RAB38: variants seen among roughly 807,000 people sequenced by gnomAD.
RAB38 encodes RAB38, member RAS oncogene family.
Under a neutral mutation model 18.4 loss-of-function variants are expected in RAB38, and 15 were observed. The ratio of observed to expected loss-of-function variants is 0.82; its 90% CI spans 0.55 to 1.26. The LOEUF is 1.26. Among genes scored for constraint, RAB38 ranks in the 50% most tolerant of loss-of-function variants. The probability of loss-of-function intolerance (pLI) is 0.00; values close to 1 mark genes in which losing one functional copy is unlikely to be tolerated. For synonymous variants in RAB38, 101 were observed against 104.4 expected, an observed-to-expected ratio of 0.97 and a Z score of 0.20; for missense variants, 294 against 267.4, an observed-to-expected ratio of 1.10 and a Z score of -0.69.
the RAB38 span, among the ~76,000 whole-genome samples, chr11:87,880,451 C>T: frequency 6.6e-6 from 1 of 151,862 alleles, no homozygotes; most frequent in South Asian, 2.1e-4. Flanking sequence ...CAAGTTACAG[C>T]TTATAGAAGA....
At chr11:88,026,706 G>C in the RAB38 span, among the ~76,000 whole-genome samples, 1 of 149,908 alleles carries the variant, frequency 6.7e-6, no homozygotes, top group Non-Finnish European at 1.5e-5. Context: ...TATAGGAAAA[G>C]TGTTGTTTAT....
chr11:88,103,269 G>T, the RAB38 span, among the ~76,000 whole-genome samples: 2 of 151,942 alleles, frequency 1.3e-5, no homozygotes, highest in South Asian at 4.2e-4. Flanking sequence ...ACAAGCATTT[G>T]AAATCTAGTG....
intron 2 of RAB38, among the ~76,000 whole-genome samples, chr11:88,118,661 T>C (rs906995688): frequency 6.6e-6 from 1 of 152,178 alleles, no homozygotes; most frequent in Non-Finnish European, 1.5e-5. Context: ...ACAGGTAAAA[T>C]TGGACTGGAT....
the RAB38 span, among the ~76,000 whole-genome samples, chr11:88,031,961 A>G: frequency 2.0e-5 from 3 of 150,836 alleles, no homozygotes; most frequent in South Asian, 2.1e-4. Flanking sequence ...GAGGCATCAC[A>G]CTACCTGACT....
intron 1 of RAB38, among the ~76,000 whole-genome samples, chr11:88,152,009 A>G (rs1294625831): frequency 6.6e-6 from 1 of 152,262 alleles, no homozygotes; most frequent in African/African-American, 2.4e-5. Context: ...AATACTGTCC[A>G]CATGACACGT....
At chr11:87,912,477 G>A in the RAB38 span, among the ~76,000 whole-genome samples, 1 of 151,904 alleles carries the variant, frequency 6.6e-6, no homozygotes, top group African/African-American at 2.4e-5. Context: ...CCAATGTATT[G>A]CATAAAGTTA....
At chr11:87,885,178 G>C in the RAB38 span, among the ~76,000 whole-genome samples, 1 of 151,968 alleles carries the variant, frequency 6.6e-6, no homozygotes, top group African/African-American at 2.4e-5. Context: ...CAGATGTACT[G>C]GGTGTGTCAG....
At chr11:87,866,034 C>T in the RAB38 span, among the ~76,000 whole-genome samples, 3 of 151,618 alleles carry the variant, frequency 2.0e-5, no homozygotes, top group South Asian at 2.1e-4. Context: ...GAAGAGAATT[C>T]GGAGTCTCAG....
the RAB38 span, among the ~76,000 whole-genome samples, chr11:87,838,248 G>A: frequency 6.6e-6 from 1 of 151,952 alleles, no homozygotes; most frequent in Admixed American, 6.6e-5. Context: ...CCGAGTAGCT[G>A]GGACTACAGG....
At chr11:88,076,981 AAAG>A in the RAB38 span, among the ~76,000 whole-genome samples, 44 of 71,914 alleles carry the variant, frequency 6.1e-4, 2 homozygotes, top group Admixed American at 1.7e-3. Context: ...AAAAAGAAAG[AAAG>A]AAAGAAAAGA....
At chr11:88,128,611 A>C (rs943410707) in intron 2 of RAB38, among the ~76,000 whole-genome samples, 8 of 152,166 alleles carry the variant, frequency 5.3e-5, no homozygotes, top group Non-Finnish European at 1.0e-4. Flanking sequence ...AATTTTTCCT[A>C]CCTGCCCTCA....
chr11:88,007,754 CAT>C, the RAB38 span, among the ~76,000 whole-genome samples: 1 of 152,012 alleles, frequency 6.6e-6, no homozygotes, highest in Non-Finnish European at 1.5e-5. Context: ...GAAATAAAAA[CAT>C]ATGTCCACAA....
At chr11:88,003,869 T>A in the RAB38 span, among the ~76,000 whole-genome samples, 3 of 9,768 alleles carry the variant, frequency 3.1e-4, no homozygotes, top group South Asian at 3.5e-3. Flanking sequence ...TAAATATAAT[T>A]ATATATTTAT....
At chr11:88,007,166 T>C in the RAB38 span, among the ~76,000 whole-genome samples, 6 of 151,780 alleles carry the variant, frequency 4.0e-5, no homozygotes, top group Non-Finnish European at 8.9e-5. Flanking sequence ...AATTACACTA[T>C]AGAACTAAAT....
chr11:88,059,620 C>G, the RAB38 span, among the ~76,000 whole-genome samples: 148 of 152,310 alleles, frequency 9.7e-4, 1 homozygote, highest in Non-Finnish European at 1.4e-3. Flanking sequence ...TTCTGTGAGA[C>G]TATTCAATAA....
chr11:87,870,070 T>C, the RAB38 span, among the ~76,000 whole-genome samples: 1 of 151,824 alleles, frequency 6.6e-6, no homozygotes, highest in Non-Finnish European at 1.5e-5. Flanking sequence ...AATAGAAGTC[T>C]GGAAACATAT....
the RAB38 span, among the ~76,000 whole-genome samples, chr11:87,920,830 A>C: frequency 4.6e-5 from 7 of 152,158 alleles, no homozygotes; most frequent in African/African-American, 1.7e-4. Flanking sequence ...TGTTGGGTGA[A>C]CATGTATTTG....
intron 2 of RAB38, among the ~76,000 whole-genome samples, chr11:88,140,616 G>A (rs1942899513): frequency 6.6e-6 from 1 of 152,210 alleles, no homozygotes; most frequent in African/African-American, 2.4e-5. Context: ...TTAGAGCCAA[G>A]TCCTGAAGGA....
chr11:88,075,675 G>A, the RAB38 span, among the ~76,000 whole-genome samples: 1 of 152,094 alleles, frequency 6.6e-6, no homozygotes, highest in East Asian at 1.9e-4. Flanking sequence ...GAGCTGAGGG[G>A]TTCAAGGCTA....
Sources: allele counts gnomAD v4.1 joint callset (sites outside exome capture counted in the v4.1 genomes callset), GRCh38; gene constraint gnomAD v4.1.1; transcripts MANE v1.5; gene names NCBI Gene and HGNC (gene_info 2026-07-23, HGNC 2026-07-21).